The following NDUFAF2 variants were observed in gnomAD, a reference collection of about 807,000 sequenced individuals.
NDUFAF2 encodes NADH dehydrogenase [ubiquinone] 1 alpha subcomplex assembly factor 2.
In NDUFAF2, 13 loss-of-function variants were observed where a neutral mutation model predicts 22.8. The observed-to-expected ratio is 0.57, with a 90% CI of 0.37 to 0.91. The LOEUF (loss-of-function observed/expected upper bound fraction) is 0.91. Among genes scored for constraint, NDUFAF2 ranks in the 40% least tolerant of loss-of-function variants. The pLI is 0.01. For missense variants in NDUFAF2, 162 were observed against 195.2 expected (o/e 0.83, Z 1.01); for synonymous variants, 53 against 64.2 (o/e 0.83, Z 0.84).
chr5:61,059,208 A>G (rs1752134575), intron 1 of NDUFAF2, among the ~76,000 whole-genome samples: 5 of 152,060 alleles, frequency 3.3e-5, no homozygotes, highest in Admixed American at 3.3e-4. Flanking sequence ...GCAATAGACT[A>G]TTCAGTGTAT....
At chr5:61,147,785 T>C (rs1329656444) in intron 3 of NDUFAF2, among the ~76,000 whole-genome samples, 2 of 152,198 alleles carry the variant, frequency 1.3e-5, no homozygotes, top group Non-Finnish European at 2.9e-5. Context: ...GCCTACTGTA[T>C]TGTACAGCAT....
chr5:61,078,718 G>A (rs1229417114), intron 2 of NDUFAF2, among the ~76,000 whole-genome samples: 1 of 152,034 alleles, frequency 6.6e-6, no homozygotes, highest in Non-Finnish European at 1.5e-5. Flanking sequence ...TCCAGTCTGG[G>A]TGACAGAGTG....
intron 1 of NDUFAF2, among the ~76,000 whole-genome samples, chr5:61,024,865 G>C (rs1019278173): frequency 1.3e-5 from 2 of 151,790 alleles, no homozygotes; most frequent in African/African-American, 4.8e-5. Flanking sequence ...CTACATATCA[G>C]CCTTGTTCTC....
chr5:61,110,168 C>A, intron 3 of NDUFAF2, among the ~76,000 whole-genome samples: 1 of 151,998 alleles, frequency 6.6e-6, no homozygotes, highest in South Asian at 2.1e-4. Flanking sequence ...GATGAATGAT[C>A]TTTTTAATAT....
chr5:60,949,633 T>C (rs565812411), intron 1 of NDUFAF2, among the ~76,000 whole-genome samples: 12 of 152,304 alleles, frequency 7.9e-5, no homozygotes, highest in African/African-American at 2.6e-4. Context: ...CTACTTAGCC[T>C]CACAAAGTAT....
intron 1 of NDUFAF2, among the ~76,000 whole-genome samples, chr5:61,000,819 C>T (rs1751286102): frequency 6.6e-6 from 1 of 152,066 alleles, no homozygotes. Flanking sequence ...TTTAGGTTAT[C>T]AATTAATGAA....
chr5:60,990,850 C>T (rs558912091), intron 1 of NDUFAF2, among the ~76,000 whole-genome samples: 18 of 152,128 alleles, frequency 1.2e-4, no homozygotes, highest in African/African-American at 4.1e-4. Context: ...CTATTATTTC[C>T]TCCCAGATAT....
chr5:61,093,029 A>G (rs1752588286), intron 2 of NDUFAF2, among the ~76,000 whole-genome samples: 1 of 152,174 alleles, frequency 6.6e-6, no homozygotes, highest in African/African-American at 2.4e-5. Context: ...TCCCTGGCAA[A>G]TCACTGGTGT....
intron 1 of NDUFAF2, among the ~76,000 whole-genome samples, chr5:61,052,729 A>G (rs1433940155): frequency 6.6e-6 from 1 of 152,220 alleles, no homozygotes; most frequent in Non-Finnish European, 1.5e-5. Flanking sequence ...GATTAATTTG[A>G]TAAGTTTTTT....
intron 3 of NDUFAF2, among the ~76,000 whole-genome samples, chr5:61,144,866 A>G (rs1207069007): frequency 3.3e-5 from 5 of 152,082 alleles, no homozygotes; most frequent in Non-Finnish European, 7.4e-5. Context: ...TTTTTCTACC[A>G]TTTGTTTTAC....
At chr5:61,120,692 A>G (rs552968395) in intron 3 of NDUFAF2, among the ~76,000 whole-genome samples, 104 of 151,792 alleles carry the variant, frequency 6.9e-4, no homozygotes, top group Admixed American at 1.6e-3. Flanking sequence ...TACTAGGTGC[A>G]TATTAAAAGT....
chr5:60,946,764 C>T (rs1027051036), intron 1 of NDUFAF2, among the ~76,000 whole-genome samples: 6 of 152,154 alleles, frequency 3.9e-5, no homozygotes, highest in African/African-American at 2.4e-5. Flanking sequence ...TAGAATAATT[C>T]CATCACCATC....
intron 1 of NDUFAF2, among the ~76,000 whole-genome samples, chr5:61,049,294 TAA>T (rs1451684022): frequency 3.3e-5 from 5 of 151,876 alleles, no homozygotes; most frequent in Non-Finnish European, 7.4e-5. Flanking sequence ...AAATCACAGG[TAA>T]AAGTTTTTAG....
At chr5:60,953,943 C>A (rs1750580990) in intron 1 of NDUFAF2, among the ~76,000 whole-genome samples, 1 of 152,036 alleles carries the variant, frequency 6.6e-6, no homozygotes, top group Admixed American at 6.6e-5. Flanking sequence ...CTATTGACAA[C>A]AACCAAAGGA....
chr5:61,151,743 G>T (rs1178457260), intron 3 of NDUFAF2, among the ~76,000 whole-genome samples: 1 of 150,926 alleles, frequency 6.6e-6, no homozygotes, highest in African/African-American at 2.4e-5. Context: ...GCGGTAAGCC[G>T]AGATCACACC....
chr5:61,144,821 T>C (rs963465101), intron 3 of NDUFAF2, among the ~76,000 whole-genome samples: 12 of 152,248 alleles, frequency 7.9e-5, no homozygotes, highest in Admixed American at 7.2e-4. Context: ...GTTTTCTTTC[T>C]CTCTCCCAAC....
chr5:60,978,725 G>A (rs1561532719), intron 1 of NDUFAF2, among the ~76,000 whole-genome samples: 1 of 152,092 alleles, frequency 6.6e-6, no homozygotes. Context: ...CAGCAGTCTA[G>A]GACACAAGGA....
At chr5:61,071,358 C>T (rs1390107023) in intron 1 of NDUFAF2, among the ~76,000 whole-genome samples, 2 of 152,196 alleles carry the variant, frequency 1.3e-5, no homozygotes, top group Admixed American at 6.5e-5. Context: ...TGACCACATA[C>T]TTAAGATTTA....
intron 3 of NDUFAF2, among the ~76,000 whole-genome samples, chr5:61,121,012 G>A (rs1052929894): frequency 1.3e-5 from 2 of 151,806 alleles, no homozygotes; most frequent in African/African-American, 2.4e-5. Context: ...TTTAATGGGC[G>A]GAATAATGGT....
Sources: allele counts gnomAD v4.1 joint callset (sites outside exome capture counted in the v4.1 genomes callset), GRCh38; gene constraint gnomAD v4.1.1; transcripts MANE v1.5; gene names NCBI Gene and HGNC (gene_info 2026-07-23, HGNC 2026-07-21).